The following CNTLN variants were observed in gnomAD, a reference collection of about 807,000 sequenced individuals.
The protein encoded by CNTLN is centlein.
CNTLN carries 212 observed loss-of-function variants against 180.0 expected under a neutral mutation model. That is an observed-to-expected ratio of 1.18 (90% CI 1.05 to 1.32). The LOEUF is 1.32. Among genes scored for constraint, CNTLN ranks in the 40% most tolerant of loss-of-function variants. CNTLN has a pLI of 0.00. For missense variants in CNTLN, 2,095 were observed against 1,610.9 expected, an observed-to-expected ratio of 1.30 and a Z score of -5.14; for synonymous variants, 722 against 563.1, an observed-to-expected ratio of 1.28 and a Z score of -3.99.
intron 5 of CNTLN, among the ~76,000 whole-genome samples, chr9:17,241,048 C>T (rs1250915085): frequency 2.0e-5 from 3 of 152,078 alleles, no homozygotes; most frequent in African/African-American, 4.8e-5. Context: ...TTAGTAGAGA[C>T]GGGGTTTCAT....
Position 17,250,770 on chromosome 9 carries a change from G to A in CNTLN, c.849+14182G>A, listed in dbSNP as rs555238456. 1.4e-4 allele frequency among the ~76,000 whole-genome samples: 22 copies of A among 152,030 alleles called. No homozygotes were observed. The South Asian group carries it at 4.6e-3, about 32-fold the overall frequency. The stretch of plus-strand genomic sequence containing the variant: ...TGTGTTTGTTTTTGAAATCATATAG[G>A]AAATAATAAGGATAATTAGAAGCCA... On this transcript the variant is annotated intron_variant, in intron 5 of 25. Coordinates refer to ENST00000380647, the MANE Select transcript of CNTLN (RefSeq NM_017738.4).
At chr9:17,245,867 C>T (rs1437625971) in intron 5 of CNTLN, among the ~76,000 whole-genome samples, 2 of 151,888 alleles carry the variant, frequency 1.3e-5, no homozygotes, top group East Asian at 3.9e-4. Flanking sequence ...TTTTTCAGTT[C>T]CAGAATTTCT....
At chr9:17,149,809 A>C (rs1818729857) in intron 2 of CNTLN, among the ~76,000 whole-genome samples, 1 of 151,800 alleles carries the variant, frequency 6.6e-6, no homozygotes, top group Non-Finnish European at 1.5e-5. Context: ...GAGCCACTGC[A>C]CCTGGCCTGT....
At chr9:17,182,486 T>C (rs1254037458) in intron 2 of CNTLN, among the ~76,000 whole-genome samples, 2 of 152,170 alleles carry the variant, frequency 1.3e-5, no homozygotes, top group Non-Finnish European at 2.9e-5. Context: ...GGGTTTTTAG[T>C]TGTGTTCTGA....
intron 2 of CNTLN, among the ~76,000 whole-genome samples, chr9:17,155,019 A>G (rs1268485790): frequency 5.9e-5 from 9 of 151,778 alleles, no homozygotes; most frequent in African/African-American, 2.4e-5. Context: ...ACCACGAACC[A>G]CTGGGAGGAA....
chr9:17,145,630 T>C (rs555452380), intron 2 of CNTLN, among the ~76,000 whole-genome samples: 7 of 152,318 alleles, frequency 4.6e-5, no homozygotes, highest in Non-Finnish European at 1.0e-4. Context: ...GTCAGACATT[T>C]GTATAACAGG....
the CNTLN span, among the ~76,000 whole-genome samples, chr9:17,524,393 G>A: frequency 9.9e-4 from 150 of 152,268 alleles, no homozygotes; most frequent in African/African-American, 3.4e-3. Flanking sequence ...TCAGTCAGTG[G>A]GAGTTTCCTC....
chr9:17,278,853 A>T (rs531495160), intron 6 of CNTLN, among the ~76,000 whole-genome samples: 1 of 152,226 alleles, frequency 6.6e-6, no homozygotes, highest in East Asian at 1.9e-4. Context: ...CTCAGTCCTG[A>T]TTTATAAATT....
chr9:17,394,567 G>T lies in CNTLN; in HGVS notation c.2113G>T (p.Glu705Ter), dbSNP rs986909816. ...TELENRLKSF[E>*]KRSRKLKEGN... ...GTTGGAAAATCGGCTGAAATCTTTT[G>T]AGAAAAGGTCGAGAAAATTAAAAGA... is the stretch of plus-strand genomic sequence containing the variant. The change falls in exon 15 of 26, where the codon GAG becomes TAG. Residue 705 changes from glutamate to a stop codon, truncating the protein, a stop_gained. Transcript: ENST00000380647. LOFTEE classifies it high-confidence loss of function. 11 of 1,586,228 alleles carry T rather than the reference G, an allele frequency of 6.9e-6. No homozygotes were observed. The highest frequency in any genetic ancestry group is 1.2e-5 in the South Asian group (1 of 84,810).
intron 1 of CNTLN, among the ~76,000 whole-genome samples, chr9:17,137,479 C>A (rs1285741053): frequency 6.6e-6 from 1 of 152,140 alleles, no homozygotes; most frequent in East Asian, 1.9e-4. Context: ...CTGAAAATTA[C>A]AACTCGAAGT....
intron 18 of CNTLN, among the ~76,000 whole-genome samples, chr9:17,448,762 T>G (rs1830600520): frequency 6.6e-6 from 1 of 152,328 alleles, no homozygotes; most frequent in Non-Finnish European, 1.5e-5. Flanking sequence ...GGATGGATTC[T>G]TTTCTTCTTA....
intron 12 of CNTLN, among the ~76,000 whole-genome samples, chr9:17,356,792 A>T (rs1255377282): frequency 6.6e-6 from 1 of 152,152 alleles, no homozygotes; most frequent in Non-Finnish European, 1.5e-5. Flanking sequence ...ACAGATATGT[A>T]ATTTAAAATT....
At chr9:17,315,586 T>C (rs1819484106) in intron 8 of CNTLN, among the ~76,000 whole-genome samples, 1 of 152,108 alleles carries the variant, frequency 6.6e-6, no homozygotes. Flanking sequence ...CTTTCTCTCC[T>C]GTCCTTGTGA....
At chr9:17,187,237 A>T (rs932734287) in intron 2 of CNTLN, among the ~76,000 whole-genome samples, 1 of 152,096 alleles carries the variant, frequency 6.6e-6, no homozygotes, top group Admixed American at 6.5e-5. Context: ...TATCTGCTTT[A>T]TCTACTTTCT....
chr9:17,307,320 G>A (rs1435361594), intron 7 of CNTLN, among the ~76,000 whole-genome samples: 1 of 152,086 alleles, frequency 6.6e-6, no homozygotes, highest in Non-Finnish European at 1.5e-5. Context: ...CCAGACTGGA[G>A]TGCAGTGGCA....
Position 17,462,925 on chromosome 9 carries a change from A to G in CNTLN, c.3316A>G (p.Asn1106Asp), listed in dbSNP as rs759145394. 5 of 1,544,716 alleles carry G rather than the reference A, an allele frequency of 3.2e-6. No homozygotes were observed. In the African/African-American group the frequency reaches 4.3e-5, roughly 13 times the overall value. Residue 1106 changes from asparagine (N) to aspartate (D), a missense_variant, in exon 20 of 26, where the codon AAT becomes GAT. Coordinates refer to ENST00000380647, the MANE Select transcript of CNTLN (RefSeq NM_017738.4). ...TCTATTTTTAATCTAGAATGCTACTAATGAACTCACTAAACAGTCATCAAA... is the reference window on the plus strand; with the variant it reads ...TCTATTTTTAATCTAGAATGCTACTGATGAACTCACTAAACAGTCATCAAA... Reference protein sequence around the residue: ...QLQYKLKNATNELTKQSSNVK... With the variant: ...QLQYKLKNATDELTKQSSNVK...
chr9:17,412,667 G>T (rs961346169), intron 16 of CNTLN, among the ~76,000 whole-genome samples: 2 of 152,148 alleles, frequency 1.3e-5, no homozygotes, highest in African/African-American at 4.8e-5. Flanking sequence ...AGTGTTCTGA[G>T]TAGGCTAGGC....
At chr9:17,214,860 G>T (rs1211959708) in intron 2 of CNTLN, among the ~76,000 whole-genome samples, 5 of 152,108 alleles carry the variant, frequency 3.3e-5, no homozygotes, top group Non-Finnish European at 7.3e-5. Flanking sequence ...ACTGAAACTT[G>T]TGCATTCATT....
At chr9:17,254,857 A>C (rs979911026) in intron 5 of CNTLN, among the ~76,000 whole-genome samples, 3 of 151,672 alleles carry the variant, frequency 2.0e-5, no homozygotes, top group Admixed American at 6.6e-5. Context: ...GAGTGCATTA[A>C]ATCTGTAGCT....
Sources: allele counts gnomAD v4.1 joint callset (sites outside exome capture counted in the v4.1 genomes callset), GRCh38; gene constraint gnomAD v4.1.1; transcripts MANE v1.5; gene names NCBI Gene and HGNC (gene_info 2026-07-23, HGNC 2026-07-21).